The following SON variants were observed in gnomAD, a reference collection of about 807,000 sequenced individuals.
SON encodes protein SON.
A neutral mutation model predicts 173.3 loss-of-function variants in SON; 4 were observed. The ratio of observed to expected loss-of-function variants is 0.02; its 90% confidence interval spans 0.01 to 0.05. SON has a LOEUF of 0.05. Among genes scored for constraint, SON ranks in the 10% least tolerant of loss-of-function variants. The pLI, the probability that SON is intolerant of heterozygous loss-of-function variation, is 1.00. For synonymous variants in SON, 1,190 were observed against 1,105.9 expected, an observed-to-expected ratio of 1.08 and a Z score of -1.51; for missense variants, 2,626 against 3,055.3, an observed-to-expected ratio of 0.86 and a Z score of 3.31.
Position 33,561,442 on chromosome 21 carries a change from T to TG in SON, c.6657+1669dup, listed in dbSNP as rs575370546. 5.9e-5 allele frequency among the ~76,000 whole-genome samples: 9 copies of TG among 151,936 alleles called. No individual in the cohort carries two copies. The East Asian group carries it at 1.7e-3, about 29-fold the overall frequency. On this transcript the variant is annotated intron_variant, in intron 6 of 11. Coordinates refer to ENST00000356577, the MANE Select transcript of SON (RefSeq NM_138927.4). The stretch of plus-strand genomic sequence containing the variant: ...GCAGTTTAAGCATTTAAAAAAGAGT[T>TG]GGAAAAAAAAATAGGTAGGGAGAGA...
At chr21:33,557,514 A>C (rs771183057) in intron 4 of SON, 198 bp downstream of exon 4, 1 of 1,550,766 alleles carries the variant, frequency 6.4e-7, no homozygotes, top group South Asian at 1.2e-5. Context: ...TCCGCTAGCT[A>C]AAAGTTACTT....
At chr21:33,566,092 C>CCGTT (rs1480306560) in intron 6 of SON, among the ~76,000 whole-genome samples, 1 of 152,112 alleles carries the variant, frequency 6.6e-6, no homozygotes, top group Non-Finnish European at 1.5e-5. Flanking sequence ...AAATCCTTAG[C>CCGTT]CGTTAGCTAT....
intron 6 of SON, chr21:33,560,568 G>GTA (rs1282381145): frequency 2.1e-6 from 2 of 953,534 alleles, no homozygotes; most frequent in Non-Finnish European, 2.5e-6. Context: ...CAGCAAGACT[G>GTA]TATATATATG....
chr21:33,559,526 C>A lies in SON; in HGVS notation c.6469-61C>A. On this transcript the variant is annotated intron_variant, in intron 5 of 11. Transcript: ENST00000356577. This position sits in a 1 kb window ranked among gnomAD's most constrained non-coding sequence, Gnocchi z 4.1. ...ATTTCCTTCAGATTATGTAGAAAAT[C>A]TCAAACCATTTAATGTAGATATCAT... The A allele has an allele frequency of 6.6e-7, 1 of 1,508,884 alleles. No homozygotes were observed. The highest frequency in any genetic ancestry group is 1.3e-5 in the South Asian group (1 of 78,664). The allele number at this position is 1,508,884 out of a possible 1,614,324, so 93.5% of individuals were successfully genotyped here. A position where few individuals can be genotyped will look rare whatever the true frequency, so the allele number is the denominator to read the frequency against.
chr21:33,557,358 TC>T, intron 4 of SON, 42 bp downstream of exon 4: 1 of 1,606,924 alleles, frequency 6.2e-7, no homozygotes, highest in Non-Finnish European at 8.5e-7. Context: ...AATGGATTAT[TC>T]CAGTGATGTT....
In SON at chr21:33,573,353, G is replaced by A. The variant is rs774961290; in HGVS notation, c.6931G>A (p.Val2311Ile). Residue 2311 changes from valine to isoleucine, a missense_variant, in exon 9 of 12, where the codon GTT becomes ATT. Physicochemically the swap from Val to Ile is conservative, Grantham distance 29. Transcript: ENST00000356577. ...AAPVTGGMGA[V>I]LMRKMGWREG... ...CCCGGTAACTGGAGGAATGGGAGCC[G>A]TTTTGATGAGAAAAATGGGCTGGAG... is the stretch of plus-strand genomic sequence containing the variant. 9 of 1,612,242 alleles carry A rather than the reference G, an allele frequency of 5.6e-6. No homozygotes were observed. Among genetic ancestry groups the A allele is most frequent in the South Asian group, 3.3e-5 (3 of 90,976 alleles).
rs199533794 is a variant in SON at position 33,554,744 on chromosome 21, A to G, written c.5513A>G (p.Lys1838Arg). ...RSKSSEHKSR[K>R]RTSESRSRAR... ...AAATCTTCTGAACACAAATCACGCA[A>G]GCGTACCAGTGAATCTCGTTCTAGG... Residue 1838 changes from lysine to arginine, a missense_variant, in exon 3 of 12, where the codon AAG (lysine) becomes AGG (arginine). This residue lies in a region of SON where 1,006 missense variants were observed against 895.6 expected (regional missense o/e 1.12). Transcript: ENST00000356577. 5 of 1,613,920 alleles carry G rather than the reference A, an allele frequency of 3.1e-6. No individual in the cohort carries two copies. Among genetic ancestry groups the G allele is most frequent in the Middle Eastern group, 1.6e-4 (1 of 6,062 alleles).
intron 3 of SON, among the ~76,000 whole-genome samples, chr21:33,555,753 A>G (rs2085954341): frequency 6.6e-6 from 1 of 152,240 alleles, no homozygotes; most frequent in Non-Finnish European, 1.5e-5. Context: ...GTGTTCTAAC[A>G]TACATCCTTG....
intron 4 of SON, chr21:33,558,789 A>G (rs920520098): frequency 1.3e-5 from 2 of 152,166 alleles, no homozygotes; most frequent in African/African-American, 4.8e-5. Flanking sequence ...CTGCCTGACT[A>G]TTCTCTCTTA....
intron 6 of SON, among the ~76,000 whole-genome samples, chr21:33,564,577 A>G (rs889853396): frequency 6.6e-6 from 1 of 152,190 alleles, no homozygotes; most frequent in Non-Finnish European, 1.5e-5. Context: ...AAATAAAAAT[A>G]TGGCCAGGCA....
chr21:33,563,115 A>G (rs981555067), intron 6 of SON, among the ~76,000 whole-genome samples: 5 of 152,208 alleles, frequency 3.3e-5, no homozygotes, highest in African/African-American at 1.2e-4. Context: ...ATTGGAAATT[A>G]AACACATAGG....
rs1440607483 is a variant in SON, at chr21:33,554,730, A to G, written c.5499A>G (p.Glu1833=). ...RSRSKRSKSS[E]HKSRKRTSES... ...GAAGTAAGCGTTCCAAATCTTCTGA[A>G]CACAAATCACGCAAGCGTACCAGTG... Residue 1833 remains glutamate (E), a synonymous_variant, in exon 3 of 12, where the codon GAA becomes GAG. Coordinates refer to ENST00000356577, the MANE Select transcript of SON (RefSeq NM_138927.4). 2.5e-6 allele frequency: 4 copies of G among 1,613,924 alleles called. No homozygotes were observed. Among genetic ancestry groups the G allele is most frequent in the Admixed American group, 1.7e-5 (1 of 60,026 alleles).
chr21:33,568,464 C>G (rs1490919933), intron 7 of SON, among the ~76,000 whole-genome samples: 2 of 152,166 alleles, frequency 1.3e-5, no homozygotes, highest in Non-Finnish European at 2.9e-5. Context: ...CCATTGCACT[C>G]CAGCCTGGGC....
At chr21:33,556,580 G>A (rs1442809949) in intron 3 of SON, among the ~76,000 whole-genome samples, 1 of 152,058 alleles carries the variant, frequency 6.6e-6, no homozygotes, top group Non-Finnish European at 1.5e-5. Flanking sequence ...TGGGTGTGGT[G>A]GCACGCGCCT....
chr21:33,546,103 A>G (rs1405109586), intron 1 of SON, 110 bp from the exon 2 acceptor site: 1 of 857,426 alleles, frequency 1.2e-6, no homozygotes, highest in Non-Finnish European at 1.7e-6. Flanking sequence ...AATAGGAAAA[A>G]GGTAAAACAT....
At chr21:33,575,735 T>G (rs559830134) in intron 10 of SON, 43 bp from the exon 11 acceptor site, 74 of 1,569,124 alleles carry the variant, frequency 4.7e-5, no homozygotes, top group Non-Finnish European at 6.2e-5. Flanking sequence ...GTTGCAGAAG[T>G]TGGTGGAAAT....
chr21:33,552,800 C>T lies in SON; in HGVS notation c.3569C>T (p.Thr1190Ile). ...PALPTEQSALTAENTWPTEVP... is the reference protein window; with the variant it reads ...PALPTEQSALIAENTWPTEVP... ...TTGCCCACTGAGCAGTCAGCATTAACAGCTGAAAATACTTGGCCTACAGAG... is the reference window on the plus strand; with the variant it reads ...TTGCCCACTGAGCAGTCAGCATTAATAGCTGAAAATACTTGGCCTACAGAG... Residue 1190 changes from threonine (T) to isoleucine (I), a missense_variant, in exon 3 of 12, where the codon ACA becomes ATA. Transcript: ENST00000356577. This position sits in a 1 kb window ranked among gnomAD's most constrained non-coding sequence, Gnocchi z 5.6. 5.0e-6 allele frequency: 8 copies of T among 1,613,874 alleles called. No homozygotes were observed. The highest frequency in any genetic ancestry group is 6.8e-6 in the Non-Finnish European group (8 of 1,179,958).
intron 1 of SON, among the ~76,000 whole-genome samples, chr21:33,544,546 C>T (rs1411128626): frequency 6.6e-5 from 8 of 120,302 alleles, no homozygotes; most frequent in Admixed American, 2.0e-4. Context: ...CATTTCATTT[C>T]CCCCCCCATG....
In SON at chr21:33,543,080, C is replaced by G; in HGVS notation, c.-13C>G. On this transcript the variant is annotated 5_prime_UTR_variant, in exon 1 of 12. Transcript: ENST00000356577. ...GACTAGCGAGGAGGAGTTGAGAGAACGGAGCGGACGCCATGGCGACCAACA... is the reference window on the plus strand; with the variant it reads ...GACTAGCGAGGAGGAGTTGAGAGAAGGGAGCGGACGCCATGGCGACCAACA... 3 of 1,613,702 alleles carry G rather than the reference C, an allele frequency of 1.9e-6. No individual in the cohort carries two copies. Among genetic ancestry groups the G allele is most frequent in the Non-Finnish European group, 2.5e-6 (3 of 1,179,534 alleles).
Sources: allele counts gnomAD v4.1 joint callset (sites outside exome capture counted in the v4.1 genomes callset), GRCh38; gene constraint gnomAD v4.1.1; regional missense constraint gnomAD v4.1.1; non-coding constraint Gnocchi (gnomAD v3.1); transcripts MANE v1.5; gene names NCBI Gene and HGNC (gene_info 2026-07-23, HGNC 2026-07-21).